Variants in SAMMSON observed in about 807,000 individuals in gnomAD.
SAMMSON encodes survival associated mitochondrial melanoma specific oncogenic non-coding RNA.
intron 7 of SAMMSON, among the ~76,000 whole-genome samples, chr3:70,333,946 G>C (rs898963156): frequency 6.6e-6 from 1 of 152,202 alleles, no homozygotes; most frequent in Admixed American, 6.5e-5. Context: ...TTAGTTATCT[G>C]ATGGTCACCT....
intron 7 of SAMMSON, among the ~76,000 whole-genome samples, chr3:70,295,254 C>T (rs1317486490): frequency 1.3e-5 from 2 of 152,034 alleles, no homozygotes; most frequent in African/African-American, 4.8e-5. Flanking sequence ...ACCAAAGTAG[C>T]CATTATGATT....
rs1020334585 is a variant in SAMMSON, at chr3:70,337,109, A to T, written n.740-17066A>T. On this transcript the variant is annotated intron_variant and non_coding_transcript_variant, in intron 7 of 9. Coordinates refer to ENST00000642114, the Ensembl canonical transcript of SAMMSON. The stretch of plus-strand genomic sequence containing the variant: ...CTTATTAATAATAATATCTAACTTA[A>T]TATTCTTATTAATAATAATATCTAA... Among the ~76,000 whole-genome samples the T allele has an allele frequency of 1.5e-4, 6 of 40,572 alleles. No individual in the cohort carries two copies. The East Asian group carries it at 2.4e-3, about 16-fold the overall frequency. The allele number at this position is 40,572 out of a possible 152,430, so 26.6% of individuals were successfully genotyped here. A position where few individuals can be genotyped will look rare whatever the true frequency, so the allele number is the denominator to read the frequency against.
chr3:70,124,814 C>CAAAAAAAAAAA (rs1208323683), intron 4 of SAMMSON, among the ~76,000 whole-genome samples: 39 of 53,684 alleles, frequency 7.3e-4, no homozygotes, highest in African/African-American at 8.0e-4. Context: ...GACTCCATCT[C>CAAAAAAAAAAA]AAAAAAAAAA....
chr3:70,104,254 C>T (rs1395319255), intron 4 of SAMMSON, among the ~76,000 whole-genome samples: 1 of 151,054 alleles, frequency 6.6e-6, no homozygotes, highest in Non-Finnish European at 1.5e-5. Context: ...TAGCAATCAG[C>T]AAAACCTCGT....
At chr3:70,021,137 G>T in intron 3 of SAMMSON, among the ~76,000 whole-genome samples, 1 of 152,130 alleles carries the variant, frequency 6.6e-6, no homozygotes, top group Admixed American at 6.5e-5. Context: ...TTCCCTGTGT[G>T]TGTGTACATT....
chr3:70,262,240 A>T (rs982222164), intron 6 of SAMMSON, among the ~76,000 whole-genome samples: 1 of 152,210 alleles, frequency 6.6e-6, no homozygotes, highest in Middle Eastern at 3.2e-3. Context: ...TAATTATACC[A>T]ATAACGTGAG....
intron 4 of SAMMSON, among the ~76,000 whole-genome samples, chr3:70,195,894 C>T (rs1239255695): frequency 6.6e-6 from 1 of 152,122 alleles, no homozygotes; most frequent in Non-Finnish European, 1.5e-5. Flanking sequence ...TATATCACAT[C>T]TTTTTCTTAA....
intron 9 of SAMMSON, among the ~76,000 whole-genome samples, chr3:70,361,560 G>A (rs1702870712): frequency 6.6e-6 from 1 of 152,156 alleles, no homozygotes; most frequent in Non-Finnish European, 1.5e-5. Flanking sequence ...TTGGGCATGA[G>A]CCCGGATCCA....
chr3:70,018,892 T>G (rs1352837025), intron 3 of SAMMSON, among the ~76,000 whole-genome samples: 1 of 152,220 alleles, frequency 6.6e-6, no homozygotes, highest in Non-Finnish European at 1.5e-5. Flanking sequence ...TTGAGTGGTT[T>G]TGAGTGAGTT....
At chr3:70,174,839 G>A (rs6798145) in intron 4 of SAMMSON, among the ~76,000 whole-genome samples, 150,143 of 152,026 alleles carry the variant, frequency 0.99, 74,168 homozygotes, top group East Asian at 1. Context: ...ATGAATCCTA[G>A]GTGGACAATC....
chr3:70,240,929 A>T (rs1263772837), intron 4 of SAMMSON, among the ~76,000 whole-genome samples: 2 of 152,208 alleles, frequency 1.3e-5, no homozygotes, highest in African/African-American at 4.8e-5. Context: ...ATAAAAGTTG[A>T]TTCATCATTT....
chr3:70,054,512 A>T (rs912570784), intron 3 of SAMMSON, among the ~76,000 whole-genome samples: 1 of 152,074 alleles, frequency 6.6e-6, no homozygotes, highest in African/African-American at 2.4e-5. Context: ...TTGACCTTCA[A>T]ATCTGACCAT....
chr3:70,059,252 A>G (rs2067178784), intron 3 of SAMMSON, among the ~76,000 whole-genome samples: 2 of 152,168 alleles, frequency 1.3e-5, no homozygotes, highest in African/African-American at 4.8e-5. Flanking sequence ...ACATTAGGTA[A>G]GCATTTTAGA....
intron 7 of SAMMSON, among the ~76,000 whole-genome samples, chr3:70,298,081 G>A (rs539216330): frequency 1.3e-5 from 2 of 152,040 alleles, no homozygotes; most frequent in Non-Finnish European, 2.9e-5. Context: ...AAACAGGGCT[G>A]TGTATAATAT....
intron 6 of SAMMSON, among the ~76,000 whole-genome samples, chr3:70,260,434 G>T (rs532453105): frequency 6.6e-6 from 1 of 152,124 alleles, no homozygotes; most frequent in African/African-American, 2.4e-5. Context: ...ATGAGGTAAT[G>T]GGGGTTAGTA....
chr3:70,061,389 T>C (rs575743408), intron 3 of SAMMSON, among the ~76,000 whole-genome samples: 1 of 152,234 alleles, frequency 6.6e-6, no homozygotes, highest in Admixed American at 6.5e-5. Flanking sequence ...CAGATGTGTT[T>C]TGTTTGGCCT....
chr3:70,037,422 A>C (rs945869297), intron 3 of SAMMSON, among the ~76,000 whole-genome samples: 1 of 151,828 alleles, frequency 6.6e-6, no homozygotes, highest in African/African-American at 2.4e-5. Flanking sequence ...TCATAACTCA[A>C]TCTCCTCCTC....
At chr3:70,333,638 A>C (rs1702641270) in intron 7 of SAMMSON, among the ~76,000 whole-genome samples, 1 of 152,198 alleles carries the variant, frequency 6.6e-6, no homozygotes, top group Admixed American at 6.5e-5. Flanking sequence ...AGAGCCCAGC[A>C]TCTAAGTACC....
chr3:70,130,276 C>T (rs575694411), intron 4 of SAMMSON, among the ~76,000 whole-genome samples: 12 of 152,270 alleles, frequency 7.9e-5, no homozygotes, highest in African/African-American at 2.4e-4. Flanking sequence ...TGTCTGTACA[C>T]GGACCTGAGG....
Sources: gnomAD v4.1 joint callset for allele counts (sites outside exome capture counted in the v4.1 genomes callset) on GRCh38, gnomAD v4.1.1 for gene constraint, MANE v1.5 for transcripts, NCBI Gene and HGNC (gene_info 2026-07-23, HGNC 2026-07-21) for gene names.